WIPI1: variants seen among roughly 807,000 people sequenced by gnomAD.
WIPI1 encodes WD repeat domain, phosphoinositide interacting 1, also known as WD repeat domain phosphoinositide-interacting protein 1.
In WIPI1, 45 loss-of-function variants were observed where a neutral mutation model predicts 55.3. The observed-to-expected ratio is 0.81, with a 90% confidence interval of 0.64 to 1.04. The LOEUF (loss-of-function observed/expected upper bound fraction) is 1.04. WIPI1 is among the 50% of genes least tolerant of loss of function. The pLI is 0.00. For synonymous variants in WIPI1, 195 were observed against 217.6 expected (o/e 0.90, Z 0.92); for missense variants, 445 against 559.0 (o/e 0.80, Z 2.06).
chr17:68,423,126 A>C lies in WIPI1; in HGVS notation c.1294-1306T>G, dbSNP rs2082918740. Among the ~76,000 whole-genome samples the C allele has an allele frequency of 6.6e-6, 1 of 152,192 alleles. No homozygotes were observed. The highest frequency in any genetic ancestry group is 6.5e-5 in the Admixed American group (1 of 15,278). ...ACTACAAGAGAGGCGATTTTAACCA[A>C]GCTGAGACTCCAAGAGCCTTTTGTG... On this transcript the variant is annotated intron_variant, in intron 12 of 12. Coordinates refer to ENST00000262139, the MANE Select transcript of WIPI1 (RefSeq NM_017983.7). This position sits in a 1 kb window ranked among gnomAD's most constrained non-coding sequence, Gnocchi z 4.4.
At chr17:68,433,087 T>C (rs1367483988) in intron 8 of WIPI1, among the ~76,000 whole-genome samples, 1 of 152,260 alleles carries the variant, frequency 6.6e-6, no homozygotes, top group Non-Finnish European at 1.5e-5. Flanking sequence ...TACAGCTATA[T>C]CAGCTAACAC....
chr17:68,451,232 A>G (rs1438223896), intron 2 of WIPI1, among the ~76,000 whole-genome samples: 4 of 152,350 alleles, frequency 2.6e-5, no homozygotes, highest in South Asian at 2.1e-4. Context: ...GGAGTTCAAG[A>G]CCAGCCTGGC....
intron 2 of WIPI1, among the ~76,000 whole-genome samples, chr17:68,452,626 T>G (rs1762255810): frequency 1.3e-5 from 2 of 152,210 alleles, no homozygotes; most frequent in South Asian, 4.1e-4. Flanking sequence ...TAAAAATTAA[T>G]GACTGTGCAT....
intron 4 of WIPI1, among the ~76,000 whole-genome samples, chr17:68,444,091 C>T (rs1434341286): frequency 6.6e-6 from 1 of 152,180 alleles, no homozygotes; most frequent in Non-Finnish European, 1.5e-5. Context: ...TTTTTGCTGG[C>T]CATGCAGACA....
intron 10 of WIPI1, chr17:68,428,314 A>G (rs1363180020): frequency 6.5e-6 from 1 of 154,658 alleles, no homozygotes; most frequent in Admixed American, 6.4e-5. Context: ...CACTGCCTCA[A>G]CCTCTCCAGG....
chr17:68,435,700 T>C lies in WIPI1; in HGVS notation c.541A>G (p.Thr181Ala). 1 of 1,614,210 alleles carries C rather than the reference T, an allele frequency of 6.2e-7. No homozygotes were observed. Among genetic ancestry groups the C allele is most frequent in the Non-Finnish European group, 8.5e-7 (1 of 1,180,018 alleles). ...YDGNSLKTVCTIAAHEGTLAA... is the reference protein window; with the variant it reads ...YDGNSLKTVCAIAAHEGTLAA... ...AGTGTTCCCTCATGGGCAGCAATAGTGCAGACTGTTTTCTGTTGGTGAAAA... is the reference window on the plus strand; with the variant it reads ...AGTGTTCCCTCATGGGCAGCAATAGCGCAGACTGTTTTCTGTTGGTGAAAA... Residue 181 changes from threonine to alanine, a missense_variant, in exon 6 of 13, where the codon ACT (threonine) becomes GCT (alanine). Coordinates refer to ENST00000262139, the MANE Select transcript of WIPI1 (RefSeq NM_017983.7).
chr17:68,426,242 T>TAG (rs1555798450), intron 11 of WIPI1, 67 bp from the exon 12 acceptor site: 2 of 669,002 alleles, frequency 3.0e-6, no homozygotes, highest in Non-Finnish European at 4.4e-6. Flanking sequence ...ACCTGGCGGG[T>TAG]GGGGAGCGGG....
intron 9 of WIPI1, among the ~76,000 whole-genome samples, chr17:68,429,246 CAT>C (rs1267280647): frequency 6.6e-6 from 1 of 152,318 alleles, no homozygotes; most frequent in South Asian, 2.1e-4. Flanking sequence ...CTCCCTCTGA[CAT>C]GTGTCTCTGC....
At position 68,426,058 on chromosome 17, in the gene WIPI1, G is replaced by A. The variant is rs377558661; in HGVS notation, c.1293+17C>T. 4.2e-5 allele frequency: 67 copies of A among 1,609,540 alleles called. No homozygotes were observed. Among genetic ancestry groups the A allele is most frequent in the Middle Eastern group, 3.8e-4 (2 of 5,218 alleles). On this transcript the variant is annotated intron_variant, in intron 12 of 12. Transcript: ENST00000262139. ...CACACAGACTGAGCCGCCCAGTTAC[G>A]GGTTCCTAATGCTCACAGGAGGAAA... is the stretch of plus-strand genomic sequence containing the variant.
intron 4 of WIPI1, among the ~76,000 whole-genome samples, chr17:68,442,343 T>A (rs2084113335): frequency 6.6e-6 from 1 of 151,724 alleles, no homozygotes; most frequent in Non-Finnish European, 1.5e-5. Context: ...TAGGCACCTG[T>A]AGTCCCAGCT....
At position 68,428,732 on chromosome 17, in the gene WIPI1, T is replaced by A. The variant is rs898758143; in HGVS notation, c.1073+97A>T. 3.2e-6 allele frequency: 3 copies of A among 928,260 alleles called. No homozygotes were observed. The Admixed American group carries it at 6.3e-5, about 19-fold the overall frequency. The allele number at this position is 928,260 out of a possible 1,614,324, so 57.5% of individuals were successfully genotyped here. On this transcript the variant is annotated intron_variant, in intron 10 of 12. Transcript: ENST00000262139. ...ACTGAGACTGCCAGTGAAGAACAAA[T>A]CAATGCAAGGGCACTGAAGCTTGTC...
In WIPI1 at chr17:68,430,075, C is replaced by T. The variant is rs2083442115; in HGVS notation, c.886G>A (p.Asp296Asn). 1 of 1,614,068 alleles carries T rather than the reference C, an allele frequency of 6.2e-7. No individual in the cohort carries two copies. The highest frequency in any genetic ancestry group is 1.3e-5 in the African/African-American group (1 of 74,908). ...AAAGCCCTGTCCTGATGCATCATGT[C>T]TGACACCTGGGTAGGGAGGTAGTTG... ...ATNYLPTQVS[D>N]MMHQDRAFAT... Residue 296 changes from aspartate to asparagine, a missense_variant, in exon 9 of 13, where the codon GAC (aspartate) becomes AAC (asparagine). Transcript: ENST00000262139.
intron 10 of WIPI1, 117 bp from the exon 11 acceptor site, chr17:68,427,370 T>G: frequency 1.3e-6 from 1 of 794,178 alleles, no homozygotes; most frequent in South Asian, 1.7e-5. Flanking sequence ...TATTTATTTA[T>G]TTTTGAGGCA....
rs1409147073 is a variant in WIPI1 at position 68,435,705 on chromosome 17, A to G, written c.536T>C (p.Val179Ala). 1.9e-6 allele frequency: 3 copies of G among 1,614,176 alleles called. No individual in the cohort carries two copies. Among genetic ancestry groups the G allele is most frequent in the South Asian group, 1.1e-5 (1 of 91,088 alleles). The change falls in exon 6 of 13, where the codon GTC becomes GCC. Residue 179 changes from valine (V) to alanine (A), a missense_variant. Coordinates refer to ENST00000262139, the MANE Select transcript of WIPI1 (RefSeq NM_017983.7). ...VLYDGNSLKT[V>A]CTIAAHEGTL... ...TCCCTCATGGGCAGCAATAGTGCAG[A>G]CTGTTTTCTGTTGGTGAAAAGGAAA...
chr17:68,421,878 T>C, intron 12 of WIPI1, 58 bp from the exon 13 acceptor site: 6 of 1,609,644 alleles, frequency 3.7e-6, no homozygotes, highest in Non-Finnish European at 5.1e-6. Context: ...GGTAGGCAGG[T>C]GCATTATCAA....
At chr17:68,428,787 C>T in intron 10 of WIPI1, 42 bp downstream of exon 10, 1 of 1,493,302 alleles carries the variant, frequency 6.7e-7, no homozygotes, top group Non-Finnish European at 9.3e-7. Context: ...CTCTACACGA[C>T]CAGCTCTCGA....
intron 8 of WIPI1, among the ~76,000 whole-genome samples, chr17:68,431,165 C>T (rs948712720): frequency 6.6e-6 from 1 of 152,100 alleles, no homozygotes; most frequent in Non-Finnish European, 1.5e-5. Context: ...CGGGTGTATA[C>T]AAAGAAAAAC....
chr17:68,430,295 C>T, intron 8 of WIPI1, 135 bp from the exon 9 acceptor site: 2 of 819,158 alleles, frequency 2.4e-6, no homozygotes, highest in Admixed American at 2.9e-5. Flanking sequence ...ATGTTCTGCC[C>T]ACTGAGAACA....
At position 68,452,916 on chromosome 17, in the gene WIPI1, C is replaced by G. The variant is rs200734974; in HGVS notation, c.157G>C (p.Gly53Arg). 12 of 1,613,654 alleles carry G rather than the reference C, an allele frequency of 7.4e-6. No individual in the cohort carries two copies. Among genetic ancestry groups the G allele is most frequent in the Non-Finnish European group, 9.3e-6 (11 of 1,179,960 alleles). Reference protein sequence around the residue: ...SSVEQLDQVHGSNEIPDVYIV... With the variant: ...SSVEQLDQVHRSNEIPDVYIV... ...CTCTCTCACACACACTTACTGCTTCCGTGGACTTGATCCAGCTGCTCCACA... is the reference window on the plus strand; with the variant it reads ...CTCTCTCACACACACTTACTGCTTCGGTGGACTTGATCCAGCTGCTCCACA... Residue 53 changes from glycine to arginine, a missense_variant, in exon 2 of 13, where the codon GGA becomes CGA. Transcript: ENST00000262139.
Sources: gnomAD v4.1 joint callset for allele counts (sites outside exome capture counted in the v4.1 genomes callset) on GRCh38, gnomAD v4.1.1 for gene constraint, Gnocchi (gnomAD v3.1) non-coding constraint, MANE v1.5 for transcripts, NCBI Gene and HGNC (gene_info 2026-07-23, HGNC 2026-07-21) for gene names.